XDH: variants seen among roughly 807,000 people sequenced by gnomAD.
XDH encodes xanthine dehydrogenase, also known as xanthine dehydrogenase/oxidase.
In XDH, 138 loss-of-function variants were observed where a neutral mutation model predicts 156.1. That is an observed-to-expected ratio of 0.88 (90% CI 0.77 to 1.02). XDH has a LOEUF of 1.02. Among genes scored for constraint, XDH ranks in the 50% least tolerant of loss-of-function variants. XDH has a pLI of 0.00. For missense variants in XDH, 1,849 were observed against 1,684.9 expected, an observed-to-expected ratio of 1.10 and a Z score of -1.71; for synonymous variants, 669 against 625.7, an observed-to-expected ratio of 1.07 and a Z score of -1.03.
intron 27 of XDH, among the ~76,000 whole-genome samples, chr2:31,348,671 T>C (rs947878191): frequency 2.0e-5 from 3 of 152,178 alleles, no homozygotes; most frequent in Non-Finnish European, 2.9e-5. Context: ...AGTCCGATAG[T>C]TAAGGAAAGG....
chr2:31,366,346 T>C lies in XDH; in HGVS notation c.2323-237A>G, dbSNP rs570782042. On this transcript the variant is annotated intron_variant, in intron 21 of 35. Coordinates refer to ENST00000379416, the MANE Select transcript of XDH (RefSeq NM_000379.4). ...GTCACAGAATACTTTTAGAAACTTA[T>C]TCTGTCTGACCAGGTGACCAGCGAC... 8.5e-5 allele frequency among the ~76,000 whole-genome samples: 13 copies of C among 152,320 alleles called. No individual in the cohort carries two copies. In the South Asian group the frequency reaches 2.7e-3, roughly 32 times the overall value.
At position 31,377,136 on chromosome 2, in the gene XDH, C is replaced by T. The variant is rs1308356185; in HGVS notation, c.1344G>A (p.Glu448=). ...MRVLFKPGTT[E]VQELALCYGG... is the part of the protein sequence containing the mutation. ...CATAGCAAAGGGCCAGCTCCTGTAC[C>T]TCTGTGGTTCCTGGCTTGAATAAAA... The change falls in exon 14 of 36, where the codon GAG becomes GAA. Residue 448 remains glutamate (E), a synonymous_variant. Coordinates refer to ENST00000379416, the MANE Select transcript of XDH (RefSeq NM_000379.4). The T allele has an allele frequency of 2.5e-6, 4 of 1,614,142 alleles. No homozygotes were observed. Among genetic ancestry groups the T allele is most frequent in the East Asian group, 2.2e-5 (1 of 44,878 alleles).
chr2:31,382,397 AC>A (rs960193114), intron 11 of XDH, among the ~76,000 whole-genome samples: 3 of 152,174 alleles, frequency 2.0e-5, no homozygotes, highest in Admixed American at 6.5e-5. Flanking sequence ...ATTTAAAAAA[AC>A]AATTTAAAAA....
chr2:31,388,422 C>A, intron 6 of XDH, 127 bp from the exon 7 acceptor site: 1 of 1,035,262 alleles, frequency 9.7e-7, no homozygotes, highest in Non-Finnish European at 1.5e-6. Flanking sequence ...ACAGCAGGGG[C>A]ATCCTGCCTG....
At chr2:31,405,827 A>G in intron 2 of XDH, 80 bp downstream of exon 2, 1 of 1,542,144 alleles carries the variant, frequency 6.5e-7, no homozygotes, top group Non-Finnish European at 9.0e-7. Flanking sequence ...CCCACCAGTC[A>G]CTAGGAAACA....
In XDH at chr2:31,344,641, C is replaced by T. The variant is rs151098678; in HGVS notation, c.3404+43G>A. 418 of 1,611,614 alleles carry T rather than the reference C, an allele frequency of 2.6e-4. 1 individual carries two copies. The African/African-American group carries it at 4.6e-3, about 18-fold the overall frequency. On this transcript the variant is annotated intron_variant, in intron 31 of 35. Transcript: ENST00000379416. ...CTGGAGTGGACCAGTGAGGTTAGGACGACATCACACTATGAGCTGGGCAAG... is the reference window on the plus strand; with the variant it reads ...CTGGAGTGGACCAGTGAGGTTAGGATGACATCACACTATGAGCTGGGCAAG...
Position 31,401,265 on chromosome 2 carries a change from A to G in XDH, c.261T>C (p.Thr87=), listed in dbSNP as rs752428127. The G allele has an allele frequency of 6.2e-7, 1 of 1,614,158 alleles. No individual in the cohort carries two copies. Among genetic ancestry groups the G allele is most frequent in the Non-Finnish European group, 8.5e-7 (1 of 1,180,024 alleles). ...TCTTGGTGCTTCCTATTCCTTCCAC[A>G]GTTGTCACTGCAACATGGTGCAAGG... ...ICSLHHVAVT[T]VEGIGSTKTR... Residue 87 remains threonine (T), a synonymous_variant, in exon 4 of 36, where the codon ACT becomes ACC. Coordinates refer to ENST00000379416, the MANE Select transcript of XDH (RefSeq NM_000379.4).
intron 4 of XDH, 50 bp downstream of exon 4, chr2:31,401,170 C>A: frequency 2.5e-6 from 4 of 1,604,940 alleles, no homozygotes; most frequent in Non-Finnish European, 3.4e-6. Context: ...AGCCTCCCTG[C>A]AGAGGAAAGA....
intron 33 of XDH, among the ~76,000 whole-genome samples, chr2:31,341,018 A>G (rs1164647396): frequency 6.6e-6 from 1 of 152,066 alleles, no homozygotes; most frequent in Non-Finnish European, 1.5e-5. Flanking sequence ...TCCCCATTCT[A>G]CGTTGTGCTC....
At chr2:31,384,048 CA>C in intron 9 of XDH, 1 of 586,228 alleles carries the variant, frequency 1.7e-6, no homozygotes, top group East Asian at 3.1e-5. Context: ...ACTGTCAGCC[CA>C]AAACTAGGTC....
chr2:31,387,054 T>C (rs1686629912), intron 8 of XDH, among the ~76,000 whole-genome samples: 1 of 147,190 alleles, frequency 6.8e-6, no homozygotes, highest in African/African-American at 2.5e-5. Context: ...GAGTTTGTTA[T>C]AAGGGGATGC....
chr2:31,387,131 T>G (rs1686633236), intron 8 of XDH, among the ~76,000 whole-genome samples: 1 of 152,202 alleles, frequency 6.6e-6, no homozygotes, highest in Admixed American at 6.5e-5. Context: ...CAAATCGAAC[T>G]GCCAGTATTT....
intron 31 of XDH, among the ~76,000 whole-genome samples, chr2:31,343,531 G>GCCTTA (rs1553411733): frequency 1.7e-5 from 2 of 119,794 alleles, no homozygotes; most frequent in Non-Finnish European, 3.5e-5. Context: ...ATACATATAT[G>GCCTTA]TATAAGGCAT....
intron 24 of XDH, among the ~76,000 whole-genome samples, chr2:31,362,596 A>G (rs1387354285): frequency 6.6e-6 from 1 of 152,244 alleles, no homozygotes; most frequent in Non-Finnish European, 1.5e-5. Context: ...GCTCGTCATA[A>G]TTCCTAAAGT....
At chr2:31,349,013 C>T (rs571380290) in intron 26 of XDH, 33 bp from the exon 27 acceptor site, 14 of 1,587,090 alleles carry the variant, frequency 8.8e-6, no homozygotes, top group Admixed American at 8.4e-5. Context: ...ATAGAACCTT[C>T]GCTATCATAT....
intron 13 of XDH, among the ~76,000 whole-genome samples, 169 bp downstream of exon 13, chr2:31,379,698 G>A (rs1686377535): frequency 6.6e-6 from 1 of 152,160 alleles, no homozygotes; most frequent in Non-Finnish European, 1.5e-5. Flanking sequence ...TCATTGTCCA[G>A]AAAGGAGTAT....
At chr2:31,408,591 G>T (rs1687255966) in intron 1 of XDH, among the ~76,000 whole-genome samples, 1 of 152,176 alleles carries the variant, frequency 6.6e-6, no homozygotes, top group Non-Finnish European at 1.5e-5. Flanking sequence ...CAAACAAATG[G>T]AAGATATGGA....
chr2:31,346,084 T>C (rs1572513813), intron 30 of XDH, among the ~76,000 whole-genome samples: 1 of 152,162 alleles, frequency 6.6e-6, no homozygotes, highest in Non-Finnish European at 1.5e-5. Flanking sequence ...ACATTTGATG[T>C]GTTACTCTTC....
rs866723911 is a variant in XDH, at chr2:31,386,439, C to T, written c.768G>A (p.Lys256=). ...CAATCTCCGTGTTCCCCACGACCAG[C>T]TTGGCGTCAGGGTGCTGAGCCTTGA... ...LDLKAQHPDA[K]LVVGNTEIGI... is the part of the protein sequence containing the mutation. The change falls in exon 9 of 36, where the codon AAG becomes AAA. Residue 256 remains lysine (K), a synonymous_variant. Coordinates refer to ENST00000379416, the MANE Select transcript of XDH (RefSeq NM_000379.4). The T allele has an allele frequency of 3.1e-6, 5 of 1,613,854 alleles. No homozygotes were observed. The South Asian group carries it at 5.5e-5, about 18-fold the overall frequency.
Sources: gnomAD v4.1 joint callset for allele counts (sites outside exome capture counted in the v4.1 genomes callset) on GRCh38, gnomAD v4.1.1 for gene constraint, MANE v1.5 for transcripts, NCBI Gene and HGNC (gene_info 2026-07-23, HGNC 2026-07-21) for gene names.